The following ASTN2 variants were observed in gnomAD, a reference collection of about 807,000 sequenced individuals.
ASTN2 encodes astrotactin-2.
Under a neutral mutation model 139.8 loss-of-function variants are expected in ASTN2, and 54 were observed. The observed-to-expected ratio is 0.39, with a 90% confidence interval of 0.31 to 0.48. The LOEUF is 0.48. ASTN2 is among the 20% of genes least tolerant of loss of function. The pLI, the probability that ASTN2 is intolerant of heterozygous loss-of-function variation, is 0.95. For synonymous variants in ASTN2, 756 were observed against 719.5 expected (o/e 1.05, Z -0.81); for missense variants, 1,565 against 1,725.1 (o/e 0.91, Z 1.64).
chr9:117,310,744 A>C (rs1310302566), intron 1 of ASTN2, among the ~76,000 whole-genome samples: 3 of 152,042 alleles, frequency 2.0e-5, no homozygotes, highest in South Asian at 2.1e-4. Context: ...CAATCCTCGC[A>C]CCTCAGCCAC....
chr9:116,482,092 C>T (rs577835247), intron 20 of ASTN2, among the ~76,000 whole-genome samples: 99 of 152,176 alleles, frequency 6.5e-4, no homozygotes, highest in African/African-American at 2.2e-3. Flanking sequence ...TTTGGGAGGC[C>T]GAGGCAGGCG....
At chr9:117,268,017 GATAA>G (rs1833975294) in intron 2 of ASTN2, among the ~76,000 whole-genome samples, 1 of 152,178 alleles carries the variant, frequency 6.6e-6, no homozygotes, top group Non-Finnish European at 1.5e-5. Flanking sequence ...TGTTTCATTT[GATAA>G]ATAGTTTCTG....
chr9:116,543,927 T>C (rs924724192), intron 19 of ASTN2: 1 of 152,216 alleles, frequency 6.6e-6, no homozygotes, highest in African/African-American at 2.4e-5. Flanking sequence ...AATTCGTTAC[T>C]GCCCCTCACA....
intron 22 of ASTN2, among the ~76,000 whole-genome samples, chr9:116,429,063 G>C (rs905712343): frequency 1.3e-5 from 2 of 152,072 alleles, no homozygotes; most frequent in African/African-American, 4.8e-5. Flanking sequence ...TGGAGGCCAG[G>C]AGCAGTGGCT....
rs189023069 is a variant in ASTN2 at position 117,349,972 on chromosome 9, C to T, written c.443-58459G>A. Among the ~76,000 whole-genome samples, 873 of 152,186 alleles carry T rather than the reference C, an allele frequency of 5.7e-3. 30 individuals carry two copies. The highest frequency in any genetic ancestry group is 1.1e-3 in the Non-Finnish European group (78 of 68,010). Reference sequence around the variant, plus strand: ...TTGAACACTGGGACAAAAAAAAGGACATTGGTGGAAACCGAGTAAAATCTG... The same window carrying T: ...TTGAACACTGGGACAAAAAAAAGGATATTGGTGGAAACCGAGTAAAATCTG... On this transcript the variant is annotated intron_variant, in intron 1 of 22. Coordinates refer to ENST00000313400, the MANE Select transcript of ASTN2 (RefSeq NM_001365068.1).
intron 3 of ASTN2, among the ~76,000 whole-genome samples, chr9:117,201,731 C>A (rs1831727451): frequency 6.6e-6 from 1 of 152,088 alleles, no homozygotes; most frequent in Non-Finnish European, 1.5e-5. Context: ...AGTTCTTTTG[C>A]ATTTGCTGAG....
chr9:116,547,031 T>G (rs1242844100), intron 19 of ASTN2, among the ~76,000 whole-genome samples: 1 of 152,214 alleles, frequency 6.6e-6, no homozygotes, highest in African/African-American at 2.4e-5. Flanking sequence ...TGGTGTGATA[T>G]TTATCTAGCA....
intron 3 of ASTN2, among the ~76,000 whole-genome samples, chr9:117,208,482 A>T (rs1166292230): frequency 1.3e-5 from 2 of 152,178 alleles, no homozygotes; most frequent in East Asian, 3.9e-4. Flanking sequence ...GAAAGAATAA[A>T]TAATACAAAA....
chr9:116,665,772 T>C (rs1858825349), intron 16 of ASTN2, among the ~76,000 whole-genome samples: 2 of 152,320 alleles, frequency 1.3e-5, no homozygotes, highest in Non-Finnish European at 2.9e-5. Flanking sequence ...AAAACAATAA[T>C]AATTGCAATT....
At chr9:116,565,610 G>T (rs955151834) in intron 19 of ASTN2, among the ~76,000 whole-genome samples, 1 of 150,004 alleles carries the variant, frequency 6.7e-6, no homozygotes, top group Non-Finnish European at 1.5e-5. Flanking sequence ...GAGTAACTGG[G>T]ACCATGGGCA....
At chr9:117,401,580 C>T (rs777723735) in intron 1 of ASTN2, among the ~76,000 whole-genome samples, 3 of 152,180 alleles carry the variant, frequency 2.0e-5, no homozygotes, top group African/African-American at 4.8e-5. Context: ...TGGAAGACAT[C>T]ACTCTGGCTA....
intron 12 of ASTN2, among the ~76,000 whole-genome samples, chr9:116,812,117 C>G (rs924393617): frequency 6.6e-6 from 1 of 152,036 alleles, no homozygotes; most frequent in South Asian, 2.1e-4. Context: ...AAAGCTCAGT[C>G]CCACATTCAG....
intron 1 of ASTN2, among the ~76,000 whole-genome samples, chr9:117,302,865 C>T (rs2130802379): frequency 6.6e-6 from 1 of 152,254 alleles, no homozygotes; most frequent in East Asian, 1.9e-4. Context: ...GAATTAATCC[C>T]CAGGGTCAGA....
intron 10 of ASTN2, among the ~76,000 whole-genome samples, chr9:116,902,804 T>A (rs1464979113): frequency 1.3e-5 from 2 of 152,226 alleles, no homozygotes; most frequent in African/African-American, 4.8e-5. Flanking sequence ...GGGTAGATAC[T>A]GTTCCTTATC....
chr9:116,525,699 T>C (rs1851060616), intron 19 of ASTN2, among the ~76,000 whole-genome samples: 1 of 152,144 alleles, frequency 6.6e-6, no homozygotes. Flanking sequence ...GTATTGAGAA[T>C]TCCCAGTGTG....
At chr9:116,973,305 CTAT>C (rs139529108) in intron 10 of ASTN2, among the ~76,000 whole-genome samples, 58 of 150,962 alleles carry the variant, frequency 3.8e-4, no homozygotes, top group Admixed American at 1.3e-3. Context: ...ATGATATGAA[CTAT>C]TATTATTATT....
At chr9:117,223,689 C>T (rs1306165088) in intron 2 of ASTN2, among the ~76,000 whole-genome samples, 1 of 152,056 alleles carries the variant, frequency 6.6e-6, no homozygotes, top group Non-Finnish European at 1.5e-5. Context: ...AAGAAAAAGG[C>T]ACAACAAATA....
chr9:117,315,187 T>A (rs547918302), intron 1 of ASTN2, among the ~76,000 whole-genome samples: 158 of 152,260 alleles, frequency 1.0e-3, no homozygotes, highest in African/African-American at 3.5e-3. Flanking sequence ...CACTTCCAGA[T>A]GTTTCATGAA....
chr9:116,627,468 G>T (rs1235008534), intron 17 of ASTN2, among the ~76,000 whole-genome samples: 3 of 152,148 alleles, frequency 2.0e-5, no homozygotes, highest in African/African-American at 7.2e-5. Context: ...GCCTGCATTT[G>T]GTCCTGGGTT....
Sources: allele counts gnomAD v4.1 joint callset (sites outside exome capture counted in the v4.1 genomes callset), GRCh38; gene constraint gnomAD v4.1.1; transcripts MANE v1.5; gene names NCBI Gene and HGNC (gene_info 2026-07-23, HGNC 2026-07-21).